SNX13: variants seen among roughly 807,000 people sequenced by gnomAD.
The protein encoded by SNX13 is sorting nexin 13, also known as sorting nexin-13.
A neutral mutation model predicts 133.6 loss-of-function variants in SNX13; 45 were observed. The ratio of observed to expected loss-of-function variants is 0.34; its 90% CI spans 0.27 to 0.43. SNX13 has a LOEUF of 0.43. Among genes scored for constraint, SNX13 ranks in the 20% least tolerant of loss-of-function variants. The pLI, the probability that SNX13 is intolerant of heterozygous loss-of-function variation, is 1.00. For missense variants in SNX13, 1,032 were observed against 1,145.1 expected, an observed-to-expected ratio of 0.90 and a Z score of 1.43; for synonymous variants, 414 against 373.9, an observed-to-expected ratio of 1.11 and a Z score of -1.24.
rs1453591409 is a variant in SNX13, at chr7:17,796,763, T to C, written c.2626+64A>G. 3 of 1,191,780 alleles carry C rather than the reference T, an allele frequency of 2.5e-6. No homozygotes were observed. In the South Asian group the frequency reaches 3.6e-5, roughly 14 times the overall value. 73.8% of individuals were successfully genotyped at this position (1,191,780 alleles called of 1,614,324 possible). A position where few individuals can be genotyped will look rare whatever the true frequency, so the allele number is the denominator to read the frequency against. On this transcript the variant is annotated intron_variant, in intron 25 of 25. Transcript: ENST00000428135. ...TCAAAAGGCAGTTACACTGGCATGA[T>C]GAATGCTAAAAACTCAGAAGAATGA...
chr7:17,832,150 T>A, intron 15 of SNX13: 3 of 984,302 alleles, frequency 3.0e-6, no homozygotes, highest in Non-Finnish European at 3.6e-6. Context: ...GAGAAGCATA[T>A]TTACTTCAGA....
chr7:17,914,205 G>GAA (rs35093211), intron 1 of SNX13, among the ~76,000 whole-genome samples: 27 of 144,014 alleles, frequency 1.9e-4, no homozygotes, highest in African/African-American at 2.0e-4. Context: ...GGAAATGGGA[G>GAA]AAAAAAAAAA....
At chr7:17,866,420 T>C (rs907674380) in intron 9 of SNX13, among the ~76,000 whole-genome samples, 1 of 151,886 alleles carries the variant, frequency 6.6e-6, no homozygotes, top group South Asian at 2.1e-4. Context: ...ATCATAGAAA[T>C]ACAAACTACA....
intron 1 of SNX13, among the ~76,000 whole-genome samples, chr7:17,906,016 T>G (rs899040246): frequency 6.6e-6 from 1 of 152,130 alleles, no homozygotes; most frequent in Non-Finnish European, 1.5e-5. Context: ...TAAATGATAA[T>G]AAAGAAAGAA....
chr7:17,839,951 T>A lies in SNX13; in HGVS notation c.1215A>T (p.Thr405=), dbSNP rs1314615730. ...GGGCGGTAACCCGGTATCCTTCCAC[T>A]GTCATCCAAAAGAATAGATGTGCTT... ...GGQAHLFFWM[T]VEGYRVTAQQ... The change falls in exon 13 of 26, where the codon ACA becomes ACT. Residue 405 remains threonine (T), a synonymous_variant. Transcript: ENST00000428135. 1 of 1,611,716 alleles carries A rather than the reference T, an allele frequency of 6.2e-7. No homozygotes were observed. The highest frequency in any genetic ancestry group is 2.2e-5 in the East Asian group (1 of 44,814).
intron 11 of SNX13, 64 bp downstream of exon 11, chr7:17,850,283 G>A (rs745645105): frequency 5.4e-5 from 56 of 1,043,812 alleles, no homozygotes; most frequent in Non-Finnish European, 6.4e-5. Flanking sequence ...CCTTTACTGT[G>A]CATTTTTAAT....
chr7:17,931,100 C>G (rs1801346294), intron 1 of SNX13, among the ~76,000 whole-genome samples: 1 of 152,116 alleles, frequency 6.6e-6, no homozygotes, highest in South Asian at 2.1e-4. Flanking sequence ...TATTGCAATA[C>G]TTTAAGTGTT....
chr7:17,840,172 TA>T (rs1338298154), intron 12 of SNX13, among the ~76,000 whole-genome samples, 172 bp from the exon 13 acceptor site: 4 of 152,056 alleles, frequency 2.6e-5, no homozygotes, highest in Non-Finnish European at 5.9e-5. Context: ...TTAGTTACGC[TA>T]AAAAACCAGT....
At chr7:17,831,919 A>T (rs748791877) in intron 15 of SNX13, 1 of 984,400 alleles carries the variant, frequency 1.0e-6, no homozygotes, top group Non-Finnish European at 1.2e-6. Context: ...GCTGACAGTT[A>T]CTTTAAATAG....
At chr7:17,831,173 T>C (rs920460425) in intron 15 of SNX13, 2 of 984,200 alleles carry the variant, frequency 2.0e-6, no homozygotes, top group African/African-American at 3.5e-5. Flanking sequence ...ATTTTCTTGA[T>C]CAACAATAAG....
At chr7:17,840,599 T>C (rs917622574) in intron 12 of SNX13, among the ~76,000 whole-genome samples, 3 of 152,098 alleles carry the variant, frequency 2.0e-5, no homozygotes, top group African/African-American at 7.2e-5. Flanking sequence ...TAGAATTTCC[T>C]AGAATTTATT....
intron 1 of SNX13, 138 bp downstream of exon 1, chr7:17,940,146 G>T: frequency 8.7e-7 from 1 of 1,147,790 alleles, no homozygotes; most frequent in Non-Finnish European, 1.3e-6. Context: ...GCACTTGTAG[G>T]ATCCCCGCTG....
chr7:17,914,242 A>G (rs1000959755), intron 1 of SNX13, among the ~76,000 whole-genome samples: 1 of 152,084 alleles, frequency 6.6e-6, no homozygotes, highest in African/African-American at 2.4e-5. Context: ...AGGATTATGT[A>G]ATGCAATCAA....
intron 20 of SNX13, among the ~76,000 whole-genome samples, chr7:17,805,254 T>TGTGCGCGCGCGC (rs537620797): frequency 1.5e-5 from 2 of 132,440 alleles, no homozygotes; most frequent in Admixed American, 1.5e-4. Context: ...TGTGTGTGCG[T>TGTGCGCGCGCGC]GCGCGCGCGC....
At chr7:17,871,014 C>G (rs946344610) in intron 8 of SNX13, among the ~76,000 whole-genome samples, 1 of 140,190 alleles carries the variant, frequency 7.1e-6, no homozygotes, top group African/African-American at 2.6e-5. Flanking sequence ...TTTTTTTTTT[C>G]TTTTTTTTTG....
chr7:17,847,823 T>C (rs1790729274), intron 11 of SNX13, among the ~76,000 whole-genome samples: 1 of 152,130 alleles, frequency 6.6e-6, no homozygotes, highest in African/African-American at 2.4e-5. Context: ...AGGTAGGAAG[T>C]CCAATGGTCA....
At chr7:17,843,984 T>C (rs1790202905) in intron 12 of SNX13, among the ~76,000 whole-genome samples, 1 of 151,922 alleles carries the variant, frequency 6.6e-6, no homozygotes, top group African/African-American at 2.4e-5. Flanking sequence ...TTTCCTTATG[T>C]TGTAAAGCTT....
chr7:17,824,011 A>T (rs932286515), intron 17 of SNX13, among the ~76,000 whole-genome samples: 11 of 152,040 alleles, frequency 7.2e-5, no homozygotes, highest in Non-Finnish European at 1.3e-4. Context: ...GTAATTATTT[A>T]AAAAAAATGC....
At chr7:17,887,033 T>C (rs1489089203) in intron 5 of SNX13, among the ~76,000 whole-genome samples, 1 of 149,526 alleles carries the variant, frequency 6.7e-6, no homozygotes, top group African/African-American at 2.5e-5. Context: ...CCTAGGAACA[T>C]AATAGCAACA....
Sources: allele counts gnomAD v4.1 joint callset (sites outside exome capture counted in the v4.1 genomes callset), GRCh38; gene constraint gnomAD v4.1.1; transcripts MANE v1.5; gene names NCBI Gene and HGNC (gene_info 2026-07-23, HGNC 2026-07-21).